Variants in RNF220 observed in about 807,000 individuals in gnomAD.
RNF220 encodes the protein E3 ubiquitin-protein ligase RNF220.
In RNF220, 7 loss-of-function variants were observed where a neutral mutation model predicts 67.1. The ratio of observed to expected loss-of-function variants is 0.10; its 90% CI spans 0.06 to 0.20. RNF220 has a LOEUF of 0.20. RNF220 is among the 10% of genes least tolerant of loss of function. The probability of loss-of-function intolerance (pLI) is 1.00; values close to 1 mark genes in which losing one functional copy is unlikely to be tolerated. For missense variants in RNF220, 565 were observed against 740.3 expected (o/e 0.76, Z 2.75); for synonymous variants, 270 against 283.2 (o/e 0.95, Z 0.47).
chr1:44,505,635 G>T (rs185158181), intron 2 of RNF220, among the ~76,000 whole-genome samples: 1 of 152,318 alleles, frequency 6.6e-6, no homozygotes, highest in African/African-American at 2.4e-5. Flanking sequence ...AGGTACATGC[G>T]GGTAGCACCA....
At chr1:44,419,301 C>A (rs1648954196) in intron 2 of RNF220, 1 of 152,126 alleles carries the variant, frequency 6.6e-6, no homozygotes, top group Non-Finnish European at 1.5e-5. Context: ...TCTTTCTTTG[C>A]AGCAAGAAGA....
chr1:44,621,824 G>A lies in RNF220; in HGVS notation c.759-918G>A, dbSNP rs2148448172. Among the ~76,000 whole-genome samples the A allele has an allele frequency of 6.6e-6, 1 of 152,320 alleles. No homozygotes were observed. Among genetic ancestry groups the A allele is most frequent in the South Asian group, 2.1e-4 (1 of 4,828 alleles). On this transcript the variant is annotated intron_variant, in intron 3 of 14. Transcript: ENST00000361799. This position sits in a 1 kb window ranked among gnomAD's most constrained non-coding sequence, Gnocchi z 4.8. ...TACGTTATACCTCATATGTGTGTCT[G>A]TGCAGGGACCCTATGTGAATGGGCT...
At chr1:44,466,154 C>T (rs1654257644) in intron 2 of RNF220, among the ~76,000 whole-genome samples, 2 of 152,188 alleles carry the variant, frequency 1.3e-5, no homozygotes, top group Admixed American at 6.5e-5. Flanking sequence ...GTCATTTCAG[C>T]AATGTTCACA....
At chr1:44,497,354 C>CAT (rs1657430320) in intron 2 of RNF220, among the ~76,000 whole-genome samples, 1 of 151,602 alleles carries the variant, frequency 6.6e-6, no homozygotes, top group Non-Finnish European at 1.5e-5. Context: ...CACACACACA[C>CAT]ACACACACAC....
At chr1:44,515,715 G>C (rs1167352352) in intron 2 of RNF220, among the ~76,000 whole-genome samples, 3 of 152,240 alleles carry the variant, frequency 2.0e-5, no homozygotes, top group South Asian at 4.1e-4. Context: ...GTATGAGAAG[G>C]CTCTCTTGGC....
At chr1:44,567,974 A>C (rs1664150761) in intron 2 of RNF220, among the ~76,000 whole-genome samples, 1 of 152,076 alleles carries the variant, frequency 6.6e-6, no homozygotes, top group Non-Finnish European at 1.5e-5. Flanking sequence ...TCCAAAGCTG[A>C]ACTATGTGAT....
At chr1:44,529,368 A>AAC (rs1237994532) in intron 2 of RNF220, among the ~76,000 whole-genome samples, 15 of 134,878 alleles carry the variant, frequency 1.1e-4, no homozygotes, top group East Asian at 6.5e-4. Context: ...CACACACACA[A>AAC]ACACACACAC....
rs184946727 is a variant in RNF220 at position 44,611,869 on chromosome 1, A to G, written c.626-2296A>G. On this transcript the variant is annotated intron_variant, in intron 2 of 14. Transcript: ENST00000361799. ...GTGAAAGAATGAAGTAGTGAAATCA[A>G]AAGCCGAGTACAGAGGTCTGTGTCC... Among the ~76,000 whole-genome samples, 361 of 152,352 alleles carry G rather than the reference A, an allele frequency of 2.4e-3. 1 individual carries two copies. The highest frequency in any genetic ancestry group is 8.3e-3 in the African/African-American group (346 of 41,582).
intron 2 of RNF220, among the ~76,000 whole-genome samples, chr1:44,470,258 T>C (rs975949105): frequency 1.3e-5 from 2 of 152,180 alleles, no homozygotes; most frequent in African/African-American, 2.4e-5. Flanking sequence ...CAATAATGCT[T>C]CCTAAGATTT....
chr1:44,614,356 C>T lies in RNF220; in HGVS notation c.758+59C>T, dbSNP rs1314118901. The T allele has an allele frequency of 1.4e-5, 22 of 1,585,224 alleles. No homozygotes were observed. The Admixed American group carries it at 1.4e-4, about 10-fold the overall frequency. ...GGAGTCCACTCAGGGTTCTGGCCAC[C>T]GGATCCCAGAAGCAGCCGCCTGGCC... On this transcript the variant is annotated intron_variant, in intron 3 of 14. Coordinates refer to ENST00000361799, the MANE Select transcript of RNF220 (RefSeq NM_018150.4).
chr1:44,471,198 G>T (rs1188745252), intron 2 of RNF220, among the ~76,000 whole-genome samples: 1 of 152,206 alleles, frequency 6.6e-6, no homozygotes, highest in Non-Finnish European at 1.5e-5. Flanking sequence ...GTCCGAGGCT[G>T]GTGGATCACC....
At chr1:44,630,495 C>T (rs959230928) in intron 5 of RNF220, among the ~76,000 whole-genome samples, 6 of 152,230 alleles carry the variant, frequency 3.9e-5, no homozygotes, top group Non-Finnish European at 8.8e-5. Context: ...GTCTTTCTCC[C>T]GTTCCCACTG....
intron 2 of RNF220, among the ~76,000 whole-genome samples, chr1:44,465,466 C>T (rs1005386873): frequency 6.7e-6 from 1 of 149,948 alleles, no homozygotes; most frequent in Admixed American, 6.6e-5. Flanking sequence ...GGTGGACCCT[C>T]GCTATGTTTC....
Position 44,622,696 on chromosome 1 carries a change from T to C in RNF220, c.759-46T>C. 1 of 1,573,874 alleles carries C rather than the reference T, an allele frequency of 6.4e-7. No individual in the cohort carries two copies. Among genetic ancestry groups the C allele is most frequent in the Non-Finnish European group, 8.7e-7 (1 of 1,143,534 alleles). On this transcript the variant is annotated intron_variant, in intron 3 of 14. Coordinates refer to ENST00000361799, the MANE Select transcript of RNF220 (RefSeq NM_018150.4). This position sits in a 1 kb window ranked among gnomAD's most constrained non-coding sequence, Gnocchi z 4.3. ...CTTGCTACTCTACCGTTGCATGCCC[T>C]GGGCAGCAGGTAGAATGGTTACCCT...
intron 2 of RNF220, among the ~76,000 whole-genome samples, chr1:44,498,390 T>TCC (rs1657535370): frequency 6.6e-6 from 1 of 151,982 alleles, no homozygotes; most frequent in African/African-American, 2.4e-5. Context: ...GCTCCCTGAC[T>TCC]CCCAGGAAGC....
At chr1:44,590,707 G>T (rs1456608480) in intron 2 of RNF220, among the ~76,000 whole-genome samples, 1 of 152,186 alleles carries the variant, frequency 6.6e-6, no homozygotes. Flanking sequence ...GGAAGCGGGG[G>T]GGCCAGGGAG....
intron 2 of RNF220, among the ~76,000 whole-genome samples, chr1:44,601,263 A>G (rs1666898338): frequency 6.6e-6 from 1 of 152,220 alleles, no homozygotes; most frequent in African/African-American, 2.4e-5. Context: ...CGATGAGTTA[A>G]GAAGTGGTTA....
chr1:44,459,407 T>C (rs531505660), intron 2 of RNF220, among the ~76,000 whole-genome samples: 1 of 152,268 alleles, frequency 6.6e-6, no homozygotes, highest in Non-Finnish European at 1.5e-5. Context: ...CAATGTCTTC[T>C]ACCCAATTTC....
intron 2 of RNF220, among the ~76,000 whole-genome samples, chr1:44,457,296 T>C (rs1653288548): frequency 6.6e-6 from 1 of 152,194 alleles, no homozygotes; most frequent in African/African-American, 2.4e-5. Flanking sequence ...TCATTTTATA[T>C]ATATTATAGA....
Sources: allele counts gnomAD v4.1 joint callset (sites outside exome capture counted in the v4.1 genomes callset), GRCh38; gene constraint gnomAD v4.1.1; non-coding constraint Gnocchi (gnomAD v3.1); transcripts MANE v1.5; gene names NCBI Gene and HGNC (gene_info 2026-07-23, HGNC 2026-07-21).